LMTK2: variants seen among roughly 807,000 people sequenced by gnomAD.
The protein encoded by LMTK2 is serine/threonine-protein kinase LMTK2.
In LMTK2, 37 loss-of-function variants were observed where a neutral mutation model predicts 127.5. That is an observed-to-expected ratio of 0.29 (90% CI 0.22 to 0.38). The LOEUF is 0.38. Among genes scored for constraint, LMTK2 ranks in the 10% least tolerant of loss-of-function variants. LMTK2 has a pLI of 1.00. For synonymous variants in LMTK2, 819 were observed against 810.1 expected (o/e 1.01, Z -0.19); for missense variants, 1,694 against 1,920.3 (o/e 0.88, Z 2.20).
intron 6 of LMTK2, among the ~76,000 whole-genome samples, chr7:98,166,592 A>C (rs569992915): frequency 2.7e-5 from 4 of 149,254 alleles, no homozygotes; most frequent in Non-Finnish European, 6.0e-5. Flanking sequence ...CAAAATTTTT[A>C]TATAGATTTA....
chr7:98,145,083 T>G (rs1211705676), intron 3 of LMTK2, among the ~76,000 whole-genome samples: 4 of 152,190 alleles, frequency 2.6e-5, no homozygotes, highest in Admixed American at 6.5e-5. Context: ...CTTGCCAGCT[T>G]ACCCTCTGCA....
chr7:98,173,792 C>T (rs1025283129), intron 7 of LMTK2, among the ~76,000 whole-genome samples: 3 of 152,190 alleles, frequency 2.0e-5, no homozygotes, highest in Non-Finnish European at 2.9e-5. Flanking sequence ...CACGGTGGCT[C>T]ATGCCTGTAA....
In LMTK2 at chr7:98,166,292, C is replaced by T. The variant is rs563680989; in HGVS notation, c.658-5249C>T. ...CCAAGGTGTGCACCTGTAGCTGGAG[C>T]GCTGGAGCCACACGGAGTGGCAGCT... On this transcript the variant is annotated intron_variant, in intron 6 of 13. Transcript: ENST00000297293. Among the ~76,000 whole-genome samples the T allele has an allele frequency of 4.3e-4, 66 of 152,348 alleles. No homozygotes were observed. The South Asian group carries it at 7.0e-3, about 16-fold the overall frequency.
rs541481228 is a variant in LMTK2, at chr7:98,198,462, T to C, written c.4107+3890T>C. ...CCTCGGCCTCCCAGAGTGCTGGGAT[T>C]ACAGGCCTGAGCTACCGCGCCTGGC... On this transcript the variant is annotated intron_variant, in intron 11 of 13. Coordinates refer to ENST00000297293, the MANE Select transcript of LMTK2 (RefSeq NM_014916.4). Among the ~76,000 whole-genome samples the C allele has an allele frequency of 1.3e-3, 194 of 152,310 alleles. 1 individual carries two copies. Among genetic ancestry groups the C allele is most frequent in the Non-Finnish European group, 2.1e-3 (146 of 68,028 alleles).
At chr7:98,165,080 C>G (rs1797074846) in intron 6 of LMTK2, among the ~76,000 whole-genome samples, 1 of 152,198 alleles carries the variant, frequency 6.6e-6, no homozygotes, top group African/African-American at 2.4e-5. Flanking sequence ...GTGCGTTGCT[C>G]TGTGGGACTT....
intron 1 of LMTK2, among the ~76,000 whole-genome samples, chr7:98,134,133 C>T (rs537232207): frequency 1.2e-3 from 185 of 152,306 alleles, no homozygotes; most frequent in Non-Finnish European, 2.2e-3. Context: ...TGCCACTGTC[C>T]CACCTGGGTT....
chr7:98,174,536 C>G (rs1797247622), intron 7 of LMTK2, among the ~76,000 whole-genome samples: 1 of 152,174 alleles, frequency 6.6e-6, no homozygotes, highest in Non-Finnish European at 1.5e-5. Context: ...CCCTGCCTGC[C>G]AGTCTCCTGA....
chr7:98,197,640 G>T (rs1159419668), intron 11 of LMTK2, among the ~76,000 whole-genome samples: 1 of 151,884 alleles, frequency 6.6e-6, no homozygotes, highest in Non-Finnish European at 1.5e-5. Context: ...ATCGCTTAAG[G>T]CCAGGAGGTG....
intron 1 of LMTK2, among the ~76,000 whole-genome samples, chr7:98,134,850 G>A (rs10232153): frequency 0.13 from 19,342 of 152,162 alleles, 1,966 homozygotes; most frequent in African/African-American, 0.28. Flanking sequence ...TGTGGTTAGG[G>A]AGTTCTTGTT....
Position 98,181,592 on chromosome 7 carries a change from T to C in LMTK2, c.792-3459T>C, listed in dbSNP as rs199635819. ...GTGTTGTACTAGCATAAGGAAGACA[T>C]ATAGACCAATGAAATAGAAGAGAGA... On this transcript the variant is annotated intron_variant, in intron 7 of 13. Transcript: ENST00000297293. Among the ~76,000 whole-genome samples, 3 of 152,238 alleles carry C rather than the reference T, an allele frequency of 2.0e-5. No individual in the cohort carries two copies. In the East Asian group the frequency reaches 5.8e-4, roughly 29 times the overall value.
intron 13 of LMTK2, 101 bp downstream of exon 13, chr7:98,204,287 C>A (rs920270589): frequency 6.9e-7 from 1 of 1,451,316 alleles, no homozygotes; most frequent in Non-Finnish European, 9.4e-7. Context: ...CTCATGTCTT[C>A]TTCACATTTG....
At chr7:98,110,438 C>G (rs1348457097) in intron 1 of LMTK2, among the ~76,000 whole-genome samples, 5 of 151,934 alleles carry the variant, frequency 3.3e-5, no homozygotes, top group Non-Finnish European at 5.9e-5. Context: ...CTGTAAGGGC[C>G]CTTGTTGTTA....
intron 1 of LMTK2, among the ~76,000 whole-genome samples, chr7:98,132,145 C>G (rs2116349730): frequency 6.6e-6 from 1 of 152,318 alleles, no homozygotes; most frequent in South Asian, 2.1e-4. Context: ...AGAACAACCA[C>G]AACGGATGGA....
At chr7:98,129,834 G>A (rs1562899057) in intron 1 of LMTK2, among the ~76,000 whole-genome samples, 2 of 152,022 alleles carry the variant, frequency 1.3e-5, no homozygotes, top group African/African-American at 4.8e-5. Flanking sequence ...TGAATGCTAG[G>A]CGCTGGGCTA....
At chr7:98,174,085 C>T (rs1171432362) in intron 7 of LMTK2, among the ~76,000 whole-genome samples, 2 of 127,868 alleles carry the variant, frequency 1.6e-5, no homozygotes, top group South Asian at 2.6e-4. Flanking sequence ...AAACCATTGA[C>T]AGCTGTTTCA....
chr7:98,162,323 C>T (rs561507104), intron 6 of LMTK2, among the ~76,000 whole-genome samples: 42 of 152,160 alleles, frequency 2.8e-4, no homozygotes, highest in Admixed American at 1.5e-3. Flanking sequence ...GTACAGACAT[C>T]TTTATGAAAA....
intron 6 of LMTK2, among the ~76,000 whole-genome samples, chr7:98,163,365 A>G (rs1481181579): frequency 1.3e-5 from 2 of 152,100 alleles, no homozygotes; most frequent in South Asian, 2.1e-4. Flanking sequence ...GGTGCTACCT[A>G]TGTTCGGAGG....
intron 1 of LMTK2, among the ~76,000 whole-genome samples, chr7:98,113,081 G>T (rs920511284): frequency 3.9e-5 from 6 of 152,088 alleles, no homozygotes; most frequent in African/African-American, 1.2e-4. Context: ...TGGTGATATG[G>T]TTTGGCTGTT....
chr7:98,158,397 C>T (rs932878670), intron 5 of LMTK2, among the ~76,000 whole-genome samples: 1 of 152,184 alleles, frequency 6.6e-6, no homozygotes, highest in Non-Finnish European at 1.5e-5. Flanking sequence ...GGCTCAGCTT[C>T]CCGAGGAGCT....
Sources: allele counts gnomAD v4.1 joint callset (sites outside exome capture counted in the v4.1 genomes callset), GRCh38; gene constraint gnomAD v4.1.1; transcripts MANE v1.5; gene names NCBI Gene and HGNC (gene_info 2026-07-23, HGNC 2026-07-21).